The following CRISP1 variants were observed in gnomAD, a reference collection of about 807,000 sequenced individuals.
CRISP1 encodes the protein cysteine-rich secretory protein 1.
CRISP1 carries 44 observed loss-of-function variants against 33.1 expected under a neutral mutation model. The ratio of observed to expected loss-of-function variants is 1.33; its 90% CI spans 1.05 to 1.71. The LOEUF (loss-of-function observed/expected upper bound fraction) is 1.71. Among genes scored for constraint, CRISP1 ranks in the 40% most tolerant of loss-of-function variants. CRISP1 has a pLI of 0.00. For missense variants in CRISP1, 390 were observed against 301.2 expected, an observed-to-expected ratio of 1.29 and a Z score of -2.18; for synonymous variants, 103 against 98.7, an observed-to-expected ratio of 1.04 and a Z score of -0.26.
At chr6:49,866,549 C>G (rs964810821), upstream of CRISP1, 1 of 152,170 alleles carries the variant, frequency 6.6e-6, no homozygotes, top group Non-Finnish European at 1.5e-5. Context: ...GTAGTCAGTA[C>G]AAGGTAAATG....
chr6:49,858,512 T>C (rs12191354), intron 1 of CRISP1, among the ~76,000 whole-genome samples: 14,740 of 152,174 alleles, frequency 0.097, 999 homozygotes, highest in Non-Finnish European at 0.15. Context: ...TGCTCTCACG[T>C]TTCCCCTGCT....
intron 1 of CRISP1, among the ~76,000 whole-genome samples, chr6:49,863,059 A>G (rs768545454): frequency 2.6e-5 from 4 of 152,174 alleles, no homozygotes; most frequent in South Asian, 4.1e-4. Flanking sequence ...GGTCAAAATC[A>G]GGTAAAGCCG....
intron 2 of CRISP1, 65 bp from the exon 3 acceptor site, chr6:49,852,194 C>G: frequency 6.6e-7 from 1 of 1,516,634 alleles, no homozygotes; most frequent in Non-Finnish European, 9.0e-7. Flanking sequence ...ATATATTTTG[C>G]AGACCTATAG....
chr6:49,839,482 T>G (rs1770915463), intron 6 of CRISP1, among the ~76,000 whole-genome samples: 1 of 151,802 alleles, frequency 6.6e-6, no homozygotes, highest in African/African-American at 2.4e-5. Context: ...AAGACAATTC[T>G]TACCCATGTA....
chr6:49,855,690 C>G (rs181531283), intron 2 of CRISP1, among the ~76,000 whole-genome samples: 8 of 152,206 alleles, frequency 5.3e-5, no homozygotes, highest in Non-Finnish European at 1.0e-4. Flanking sequence ...ACCAGATTGT[C>G]ATGGAAAATT....
At chr6:49,850,709 G>T (rs535275479) in intron 3 of CRISP1, among the ~76,000 whole-genome samples, 1 of 152,160 alleles carries the variant, frequency 6.6e-6, no homozygotes, top group East Asian at 1.9e-4. Context: ...TTTTGTGTTA[G>T]TACTTGAATA....
chr6:49,871,015 C>T (rs565935071), upstream of CRISP1, among the ~76,000 whole-genome samples: 9 of 151,974 alleles, frequency 5.9e-5, no homozygotes, highest in Admixed American at 3.3e-4. Context: ...GCATGAGAAT[C>T]GCTTGAACAC....
At chr6:49,860,334 C>T (rs1291271102) in intron 1 of CRISP1, among the ~76,000 whole-genome samples, 1 of 152,130 alleles carries the variant, frequency 6.6e-6, no homozygotes, top group Non-Finnish European at 1.5e-5. Flanking sequence ...CTCATCAGCA[C>T]ATGAAACATT....
At chr6:49,847,935 T>G (rs1771231324) in intron 4 of CRISP1, among the ~76,000 whole-genome samples, 1 of 152,122 alleles carries the variant, frequency 6.6e-6, no homozygotes, top group Non-Finnish European at 1.5e-5. Context: ...TCCACTCTTC[T>G]GCAATACTGA....
In CRISP1 at chr6:49,850,091, A is replaced by G. The variant is rs555719156; in HGVS notation, c.196-1792T>C. Among the ~76,000 whole-genome samples the G allele has an allele frequency of 4.9e-3, 536 of 109,356 alleles. 4 individuals are homozygous for G. The highest frequency in any genetic ancestry group is 0.018 in the African/African-American group (502 of 27,692). The allele number at this position is 109,356 out of a possible 152,430, so 71.7% of individuals were successfully genotyped here. A position where few individuals can be genotyped will look rare whatever the true frequency, so the allele number is the denominator to read the frequency against. ...GGAAGGGGAACATCACACTCTGGGG[A>G]CAGTTGTGGGGTGGGGGGAGGGGGA... On this transcript the variant is annotated intron_variant, in intron 3 of 7. Coordinates refer to ENST00000335847, the MANE Select transcript of CRISP1 (RefSeq NM_001131.3).
chr6:49,863,375 T>A (rs912640257), intron 1 of CRISP1, among the ~76,000 whole-genome samples: 5 of 152,182 alleles, frequency 3.3e-5, no homozygotes, highest in African/African-American at 1.2e-4. Context: ...AGGAATTACA[T>A]AGCTGCTTGA....
At chr6:49,857,436 T>C in intron 1 of CRISP1, 34 bp from the exon 2 acceptor site, 1 of 1,574,310 alleles carries the variant, frequency 6.4e-7, no homozygotes, top group Non-Finnish European at 8.7e-7. Context: ...TAGATTATTC[T>C]CAATTCATGG....
intron 7 of CRISP1, among the ~76,000 whole-genome samples, chr6:49,836,806 G>A (rs1308025262): frequency 2.6e-5 from 4 of 152,112 alleles, no homozygotes; most frequent in South Asian, 4.1e-4. Flanking sequence ...GATGAAATAT[G>A]GATGTCATAT....
At chr6:49,857,234 A>C in intron 2 of CRISP1, 101 bp downstream of exon 2, 1 of 1,037,644 alleles carries the variant, frequency 9.6e-7, no homozygotes, top group Non-Finnish European at 1.5e-6. Flanking sequence ...TAATGGGTGT[A>C]GTGGCCTCAC....
chr6:49,848,600 T>C (rs1444451352), intron 3 of CRISP1, among the ~76,000 whole-genome samples: 1 of 152,166 alleles, frequency 6.6e-6, no homozygotes, highest in Non-Finnish European at 1.5e-5. Context: ...AGTTACTTAG[T>C]AATTTATTTG....
At chr6:49,871,418 C>T (rs955042755), upstream of CRISP1, among the ~76,000 whole-genome samples, 1 of 152,128 alleles carries the variant, frequency 6.6e-6, no homozygotes, top group Non-Finnish European at 1.5e-5. Context: ...TGAACATAAA[C>T]TCAGCGAAAG....
intron 5 of CRISP1, among the ~76,000 whole-genome samples, chr6:49,841,584 C>T (rs1037843186): frequency 2.6e-5 from 4 of 152,100 alleles, no homozygotes; most frequent in Admixed American, 1.3e-4. Flanking sequence ...CTGTCATCAA[C>T]GCTGGCTCAT....
chr6:49,868,593 A>T (rs1337098075), upstream of CRISP1, among the ~76,000 whole-genome samples: 1 of 152,216 alleles, frequency 6.6e-6, no homozygotes, highest in Non-Finnish European at 1.5e-5. Flanking sequence ...GTTAAATGTG[A>T]TTTTAAAATC....
At chr6:49,867,458 T>C (rs1771825459), upstream of CRISP1, among the ~76,000 whole-genome samples, 1 of 152,100 alleles carries the variant, frequency 6.6e-6, no homozygotes, top group Non-Finnish European at 1.5e-5. Flanking sequence ...ATTTTTCTTG[T>C]ATCTTGCTTA....
Sources: allele counts gnomAD v4.1 joint callset (sites outside exome capture counted in the v4.1 genomes callset), GRCh38; gene constraint gnomAD v4.1.1; transcripts MANE v1.5; gene names NCBI Gene and HGNC (gene_info 2026-07-23, HGNC 2026-07-21).